The following TEX9 variants were observed in gnomAD, a reference collection of about 807,000 sequenced individuals.
TEX9 encodes testis-expressed protein 9.
TEX9 carries 74 observed loss-of-function variants against 59.6 expected under a neutral mutation model. That is an observed-to-expected ratio of 1.24 (90% CI 1.03 to 1.51). The LOEUF (loss-of-function observed/expected upper bound fraction) is 1.51, where lower values mean the gene tolerates loss of function less well. Among genes scored for constraint, TEX9 ranks in the 40% most tolerant of loss-of-function variants. The pLI is 0.00. For synonymous variants in TEX9, 186 were observed against 152.2 expected, an observed-to-expected ratio of 1.22 and a Z score of -1.64; for missense variants, 522 against 447.8, an observed-to-expected ratio of 1.17 and a Z score of -1.49.
At chr15:56,350,754 C>G (rs997715380) in intron 1 of TEX9, among the ~76,000 whole-genome samples, 1 of 152,060 alleles carries the variant, frequency 6.6e-6, no homozygotes, top group Non-Finnish European at 1.5e-5. Context: ...AAGTCCCTGA[C>G]TAAAGTGACA....
chr15:56,318,113 C>T (rs1374096927), intron 1 of TEX9, among the ~76,000 whole-genome samples: 3 of 152,054 alleles, frequency 2.0e-5, no homozygotes, highest in African/African-American at 7.2e-5. Context: ...TCTTATTTCT[C>T]CTTCAATTCT....
chr15:56,360,735 C>T (rs905488726), upstream of TEX9, among the ~76,000 whole-genome samples: 22 of 152,158 alleles, frequency 1.4e-4, no homozygotes, highest in Non-Finnish European at 3.2e-4. Flanking sequence ...ATATAAAAAA[C>T]TAATATGAAG....
intron 4 of TEX9, among the ~76,000 whole-genome samples, chr15:56,385,191 A>G (rs1453452664): frequency 6.6e-6 from 1 of 152,112 alleles, no homozygotes; most frequent in East Asian, 1.9e-4. Context: ...GGACTTTCAT[A>G]TCTGTTCCAT....
At chr15:56,310,925 G>A (rs563071176) in intron 1 of TEX9, among the ~76,000 whole-genome samples, 10 of 152,174 alleles carry the variant, frequency 6.6e-5, no homozygotes, top group African/African-American at 1.2e-4. Flanking sequence ...CTCTCCTTCC[G>A]ATTGCAGAGA....
chr15:56,453,081 GTTTC>G, the TEX9 span, among the ~76,000 whole-genome samples: 2 of 152,070 alleles, frequency 1.3e-5, no homozygotes, highest in African/African-American at 2.4e-5. Flanking sequence ...ATTACAGCAT[GTTTC>G]TTTGTTTCCA....
At chr15:56,267,277 T>G (rs569705878) in intron 1 of TEX9, among the ~76,000 whole-genome samples, 16 of 152,370 alleles carry the variant, frequency 1.1e-4, no homozygotes, top group African/African-American at 3.1e-4. Context: ...TTCTGTAGGT[T>G]GCCTGTTCAC....
chr15:56,411,048 T>C (rs372783704), intron 9 of TEX9, among the ~76,000 whole-genome samples: 241 of 152,284 alleles, frequency 1.6e-3, no homozygotes, highest in African/African-American at 5.6e-3. Context: ...TAAAATGTAG[T>C]GATATAGCCA....
intron 3 of TEX9, among the ~76,000 whole-genome samples, chr15:56,376,549 G>A (rs2142068340): frequency 6.6e-6 from 1 of 152,100 alleles, no homozygotes; most frequent in East Asian, 1.9e-4. Context: ...CCATGTGTGT[G>A]TTTTTCTTGA....
intron 1 of TEX9, among the ~76,000 whole-genome samples, chr15:56,323,970 G>C (rs2045962382): frequency 6.6e-6 from 1 of 152,096 alleles, no homozygotes; most frequent in Non-Finnish European, 1.5e-5. Context: ...TAATGGATAT[G>C]TCTTTAGATA....
At chr15:56,357,655 A>G (rs957262757) in intron 1 of TEX9, among the ~76,000 whole-genome samples, 4 of 152,116 alleles carry the variant, frequency 2.6e-5, no homozygotes, top group Non-Finnish European at 5.9e-5. Context: ...GTTATGGTTT[A>G]CTAATTATCT....
At chr15:56,337,525 T>C (rs560195946) in intron 1 of TEX9, among the ~76,000 whole-genome samples, 13 of 152,184 alleles carry the variant, frequency 8.5e-5, no homozygotes, top group Non-Finnish European at 1.9e-4. Flanking sequence ...GTTTCTGTGG[T>C]TAAATATTAG....
intron 12 of TEX9, chr15:56,434,545 C>G: frequency 3.7e-6 from 3 of 802,874 alleles, no homozygotes; most frequent in Non-Finnish European, 5.7e-6. Context: ...CTTTGTCCAT[C>G]CCTTTAAAAC....
downstream of TEX9, among the ~76,000 whole-genome samples, chr15:56,446,161 T>C (rs1425351311): frequency 1.3e-5 from 2 of 152,086 alleles, no homozygotes; most frequent in African/African-American, 4.8e-5. Context: ...TGTGTACATA[T>C]GTTTATGTGG....
At chr15:56,443,319 T>A in intron 12 of TEX9, 1 of 753,226 alleles carries the variant, frequency 1.3e-6, no homozygotes, top group Non-Finnish European at 2.0e-6. Flanking sequence ...ACCATTTACA[T>A]ATAATGTAAT....
At chr15:56,431,481 C>G in intron 12 of TEX9, 1 of 1,613,724 alleles carries the variant, frequency 6.2e-7, no homozygotes, top group African/African-American at 1.3e-5. Context: ...GCAACTGCCA[C>G]TCTTCTAGTT....
chr15:56,402,687 G>C (rs1346534723), intron 9 of TEX9, among the ~76,000 whole-genome samples: 3 of 150,824 alleles, frequency 2.0e-5, no homozygotes, highest in African/African-American at 7.3e-5. Flanking sequence ...ACAACAAAAA[G>C]AATTTTAGAC....
At chr15:56,304,164 A>G (rs2045423971) in intron 1 of TEX9, among the ~76,000 whole-genome samples, 2 of 152,176 alleles carry the variant, frequency 1.3e-5, no homozygotes, top group African/African-American at 4.8e-5. Flanking sequence ...ATTACTCTGG[A>G]GTGCAGTGGT....
intron 1 of TEX9, among the ~76,000 whole-genome samples, chr15:56,245,980 C>T (rs1018834939): frequency 6.6e-6 from 1 of 151,974 alleles, no homozygotes; most frequent in Non-Finnish European, 1.5e-5. Context: ...GTTGCAACAC[C>T]CTGGGAGGGG....
At chr15:56,402,670 C>T (rs2048855880) in intron 9 of TEX9, among the ~76,000 whole-genome samples, 1 of 152,144 alleles carries the variant, frequency 6.6e-6, no homozygotes, top group South Asian at 2.1e-4. Context: ...CAAAGCCTGG[C>T]AGAAACACAA....
Sources: gnomAD v4.1 joint callset for allele counts (sites outside exome capture counted in the v4.1 genomes callset) on GRCh38, gnomAD v4.1.1 for gene constraint, MANE v1.5 for transcripts, NCBI Gene and HGNC (gene_info 2026-07-23, HGNC 2026-07-21) for gene names.